The following MAP2K4 variants were observed in gnomAD, a reference collection of about 807,000 sequenced individuals.
The protein encoded by MAP2K4 is mitogen-activated protein kinase kinase 4, also known as dual specificity mitogen-activated protein kinase kinase 4.
MAP2K4 carries 4 observed loss-of-function variants against 48.5 expected under a neutral mutation model. The ratio of observed to expected loss-of-function variants is 0.08; its 90% confidence interval spans 0.04 to 0.19. MAP2K4 has a LOEUF of 0.19. Among genes scored for constraint, MAP2K4 ranks in the 10% least tolerant of loss-of-function variants. The probability of loss-of-function intolerance (pLI) is 1.00; values close to 1 mark genes in which losing one functional copy is unlikely to be tolerated. For missense variants in MAP2K4, 258 were observed against 493.3 expected, an observed-to-expected ratio of 0.52 and a Z score of 4.52; for synonymous variants, 166 against 173.1, an observed-to-expected ratio of 0.96 and a Z score of 0.32.
intron 7 of MAP2K4, 84 bp downstream of exon 7, chr17:12,113,444 G>A (rs1972374246): frequency 1.3e-6 from 2 of 1,482,962 alleles, no homozygotes; most frequent in Admixed American, 1.9e-5. Context: ...TAGTCATACG[G>A]TTTTACCATG....
In MAP2K4 at chr17:12,142,092, C is replaced by T. The variant is rs1461503672; in HGVS notation, c.*832C>T. On this transcript the variant is annotated 3_prime_UTR_variant, in exon 11 of 11. Coordinates refer to ENST00000353533, the MANE Select transcript of MAP2K4 (RefSeq NM_003010.4). Reference sequence around the variant, plus strand: ...AACTTGATGTTCCACCTGCCACAAACCACCAGGACTGAAAGAAGAAAACAG... The same window carrying T: ...AACTTGATGTTCCACCTGCCACAAATCACCAGGACTGAAAGAAGAAAACAG... 4.3e-6 allele frequency: 1 copy of T among 233,338 alleles called. No individual in the cohort carries two copies. Among genetic ancestry groups the T allele is most frequent in the Non-Finnish European group, 8.5e-6 (1 of 117,922 alleles). 14.5% of individuals were successfully genotyped at this position (233,338 alleles called of 1,614,324 possible). A position where few individuals can be genotyped will look rare whatever the true frequency, so the allele number is the denominator to read the frequency against.
chr17:12,107,982 C>T, intron 5 of MAP2K4, 73 bp downstream of exon 5: 1 of 1,289,818 alleles, frequency 7.8e-7, no homozygotes, highest in Non-Finnish European at 1.0e-6. Flanking sequence ...TTTGAATGCA[C>T]ATATTTGAGT....
At position 12,020,953 on chromosome 17, in the gene MAP2K4, C is replaced by T; in HGVS notation, c.67C>T (p.Pro23Ser). 8.2e-7 allele frequency: 1 copy of T among 1,216,804 alleles called. No individual in the cohort carries two copies. The allele number at this position is 1,216,804 out of a possible 1,614,324, so 75.4% of individuals were successfully genotyped here. Residue 23 changes from proline (P) to serine (S), a missense_variant, in exon 1 of 11, where the codon CCC (proline) becomes TCC (serine). Physicochemically the swap from Pro to Ser is moderately conservative, Grantham distance 74 (BLOSUM62 -1). Around this residue, in one of 3 missense-constraint regions of MAP2K4, gnomAD observed 69 missense variants for 56.2 expected, o/e 1.23. Transcript: ENST00000353533. ...GGGSGSGTPG[P>S]VGSPAPGHPA... ...CGGCAGCGGCAGCGGCACCCCCGGCCCCGTAGGGTCCCCGGCGCCAGGCCA... is the reference window on the plus strand; with the variant it reads ...CGGCAGCGGCAGCGGCACCCCCGGCTCCGTAGGGTCCCCGGCGCCAGGCCA...
intron 9 of MAP2K4, among the ~76,000 whole-genome samples, chr17:12,137,559 G>C (rs938159815): frequency 6.6e-6 from 1 of 152,162 alleles, no homozygotes; most frequent in East Asian, 1.9e-4. Context: ...TAGGAGCTGA[G>C]ACGTTCCCCC....
At chr17:12,128,341 T>C (rs1013551294) in intron 8 of MAP2K4, among the ~76,000 whole-genome samples, 21 of 152,320 alleles carry the variant, frequency 1.4e-4, no homozygotes, top group Admixed American at 5.2e-4. Flanking sequence ...CATCCCAAAG[T>C]GGTGGGATTA....
At chr17:12,080,908 A>T (rs1971167666) in intron 2 of MAP2K4, among the ~76,000 whole-genome samples, 1 of 152,194 alleles carries the variant, frequency 6.6e-6, no homozygotes, top group Non-Finnish European at 1.5e-5. Context: ...TAGTTGTACT[A>T]ACTGAAGATT....
In MAP2K4 at chr17:12,039,935, G is replaced by T. The variant is rs1969724181; in HGVS notation, c.116-14954G>T. On this transcript the variant is annotated intron_variant, in intron 1 of 10. Transcript: ENST00000353533. ...TGTTTAACATGTTCCTTCATGCCCT[G>T]TTATTTACCTTTAACTGGTAGTTAC... Among the ~76,000 whole-genome samples the T allele has an allele frequency of 2.0e-5, 3 of 152,180 alleles. No homozygotes were observed. The East Asian group carries it at 5.8e-4, about 29-fold the overall frequency.
At chr17:12,041,920 C>T (rs1057417207) in intron 1 of MAP2K4, among the ~76,000 whole-genome samples, 2 of 152,068 alleles carry the variant, frequency 1.3e-5, no homozygotes, top group Non-Finnish European at 2.9e-5. Flanking sequence ...GTGGCTCATG[C>T]CTGTAATCTC....
chr17:12,140,837 G>T (rs1234356559), intron 10 of MAP2K4, among the ~76,000 whole-genome samples: 1 of 152,126 alleles, frequency 6.6e-6, no homozygotes, highest in African/African-American at 2.4e-5. Context: ...GCTATGTTTT[G>T]TGCTGAGTGA....
intron 2 of MAP2K4, among the ~76,000 whole-genome samples, chr17:12,079,238 T>C (rs12941429): frequency 0.17 from 25,612 of 152,160 alleles, 2,532 homozygotes; most frequent in South Asian, 0.3. Flanking sequence ...TTTCAACTTA[T>C]TCAGTTTTAA....
chr17:12,056,451 T>G (rs1022773745), intron 2 of MAP2K4, among the ~76,000 whole-genome samples: 20 of 152,134 alleles, frequency 1.3e-4, no homozygotes, highest in African/African-American at 4.3e-4. Flanking sequence ...TTTTTTGTTT[T>G]GTTCTTAACT....
chr17:12,121,254 G>T (rs1972679078), intron 7 of MAP2K4, among the ~76,000 whole-genome samples: 2 of 151,946 alleles, frequency 1.3e-5, no homozygotes, highest in African/African-American at 2.4e-5. Flanking sequence ...TTAGACTTGG[G>T]TCCCATCCCC....
chr17:12,048,032 A>G (rs1046897818), intron 1 of MAP2K4, among the ~76,000 whole-genome samples: 20 of 151,486 alleles, frequency 1.3e-4, no homozygotes, highest in African/African-American at 4.6e-4. Flanking sequence ...CTTGTACTAC[A>G]TTTCTTTTTC....
Position 12,113,442 on chromosome 17 carries a change from CG to C in MAP2K4, c.813+84del, listed in dbSNP as rs1360182241. 26 of 1,498,032 alleles carry C rather than the reference CG, an allele frequency of 1.7e-5. No homozygotes were observed. The African/African-American group carries it at 2.6e-4, about 15-fold the overall frequency. 92.8% of individuals were successfully genotyped at this position (1,498,032 alleles called of 1,614,324 possible). On this transcript the variant is annotated intron_variant, in intron 7 of 10. Transcript: ENST00000353533. ...TCTTTTGTGCTGGCCATTAGTCATA[CG>C]GTTTTACCATGAAACTGCTAGAATA...
intron 7 of MAP2K4, among the ~76,000 whole-genome samples, chr17:12,123,414 T>C (rs1285546962): frequency 2.6e-5 from 4 of 152,200 alleles, no homozygotes; most frequent in African/African-American, 9.6e-5. Flanking sequence ...TTTTAGTAAT[T>C]TGTATCTTTT....
intron 7 of MAP2K4, among the ~76,000 whole-genome samples, chr17:12,114,126 CTG>C: frequency 6.6e-6 from 1 of 152,160 alleles, no homozygotes; most frequent in East Asian, 1.9e-4. Context: ...TCTTTGTAGA[CTG>C]TTTTAAACTA....
intron 2 of MAP2K4, among the ~76,000 whole-genome samples, chr17:12,060,252 T>A (rs1970405883): frequency 6.6e-6 from 1 of 152,196 alleles, no homozygotes; most frequent in Non-Finnish European, 1.5e-5. Flanking sequence ...GTGTTGTCGT[T>A]ATCTCTGTGT....
intron 5 of MAP2K4, among the ~76,000 whole-genome samples, chr17:12,110,069 A>G (rs533796444): frequency 2.0e-5 from 3 of 152,264 alleles, no homozygotes; most frequent in South Asian, 2.1e-4. Context: ...GAAAAAAAAA[A>G]AGGAAATTTT....
rs71142262 is a variant in MAP2K4 at position 12,042,167 on chromosome 17, C to CAAAAAAAAAAAAAAAAAAAAAAAAAA, written c.116-12699_116-12698insAAAAAAAAAAAAAAAAAAAAAAAAAA. ...GGGCAACAAGAACGAAACTTTGTCT[C>CAAAAAAAAAAAAAAAAAAAAAAAAAA]AAAAAAAAAAAAAAAAAAAAAAAGG... On this transcript the variant is annotated intron_variant, in intron 1 of 10. Coordinates refer to ENST00000353533, the MANE Select transcript of MAP2K4 (RefSeq NM_003010.4). Among the ~76,000 whole-genome samples, 2 of 55,384 alleles carry CAAAAAAAAAAAAAAAAAAAAAAAAAA rather than the reference C, an allele frequency of 3.6e-5. 1 individual carries two copies. The allele number at this position is 55,384 out of a possible 152,430, so 36.3% of individuals were successfully genotyped here.
Sources: allele counts gnomAD v4.1 joint callset (sites outside exome capture counted in the v4.1 genomes callset), GRCh38; gene constraint gnomAD v4.1.1; regional missense constraint gnomAD v4.1.1; transcripts MANE v1.5; gene names NCBI Gene and HGNC (gene_info 2026-07-23, HGNC 2026-07-21).